CERS3: variants seen among roughly 807,000 people sequenced by gnomAD.
CERS3 encodes the protein ceramide synthase 3, also known as LAG1 homolog, ceramide synthase 3.
A neutral mutation model predicts 50.3 loss-of-function variants in CERS3; 33 were observed. The observed-to-expected ratio is 0.66, with a 90% CI of 0.50 to 0.88. The LOEUF (loss-of-function observed/expected upper bound fraction) is 0.88, where lower values mean the gene tolerates loss of function less well. Among genes scored for constraint, CERS3 ranks in the 40% least tolerant of loss-of-function variants. The pLI is 0.00. For synonymous variants in CERS3, 176 were observed against 155.2 expected, an observed-to-expected ratio of 1.13 and a Z score of -0.99; for missense variants, 470 against 460.3, an observed-to-expected ratio of 1.02 and a Z score of -0.19.
intron 4 of CERS3, among the ~76,000 whole-genome samples, chr15:100,487,505 C>T (rs967960102): frequency 2.0e-5 from 3 of 152,222 alleles, no homozygotes; most frequent in African/African-American, 7.2e-5. Context: ...AGGCTCTAAC[C>T]TTACATGGTC....
rs75580238 is a variant in CERS3, at chr15:100,520,557, T to C, written c.-2+1110A>G. On this transcript the variant is annotated intron_variant, in intron 2 of 11. Transcript: ENST00000679737. ...GAGCAGGAAGTATTTCTTCACTCTG[T>C]GGCTTATAATGCTTCCTCCTTCTCT... is the stretch of plus-strand genomic sequence containing the variant. 7.6e-4 allele frequency among the ~76,000 whole-genome samples: 116 copies of C among 152,336 alleles called. 1 individual carries two copies. The highest frequency in any genetic ancestry group is 2.5e-3 in the African/African-American group (103 of 41,580).
intron 11 of CERS3, among the ~76,000 whole-genome samples, chr15:100,450,480 C>A (rs942201945): frequency 1.4e-5 from 2 of 144,424 alleles, no homozygotes; most frequent in African/African-American, 5.1e-5. Context: ...AACTTGAAGA[C>A]AGGTCTTTTG....
chr15:100,481,289 G>C (rs2035291788), intron 5 of CERS3, among the ~76,000 whole-genome samples: 1 of 152,182 alleles, frequency 6.6e-6, no homozygotes, highest in Non-Finnish European at 1.5e-5. Flanking sequence ...CCCTAAGCTA[G>C]ACGACAGTCT....
At chr15:100,470,080 T>G (rs2034914892) in intron 9 of CERS3, among the ~76,000 whole-genome samples, 1 of 151,142 alleles carries the variant, frequency 6.6e-6, no homozygotes, top group African/African-American at 2.4e-5. Flanking sequence ...TAGAAAGAAC[T>G]GCAGAAAGGG....
At chr15:100,504,657 G>A (rs898080968) in intron 2 of CERS3, among the ~76,000 whole-genome samples, 2 of 152,190 alleles carry the variant, frequency 1.3e-5, no homozygotes, top group Admixed American at 6.5e-5. Context: ...CAAAGACTTA[G>A]TGATACTTCC....
upstream of CERS3, among the ~76,000 whole-genome samples, chr15:100,533,246 TGTCA>T (rs2036984182): frequency 1.3e-5 from 2 of 152,184 alleles, no homozygotes; most frequent in Non-Finnish European, 2.9e-5. Flanking sequence ...CCACGTCACC[TGTCA>T]CCTTCTAACT....
At chr15:100,480,149 A>C (rs2035254839) in intron 5 of CERS3, 103 bp from the exon 6 acceptor site, 1 of 835,466 alleles carries the variant, frequency 1.2e-6, no homozygotes, top group Admixed American at 2.3e-5. Flanking sequence ...CACATTCTGG[A>C]GTCAGACAAA....
chr15:100,445,014 G>A (rs534284282), intron 11 of CERS3, among the ~76,000 whole-genome samples: 4,582 of 151,790 alleles, frequency 0.03, 97 homozygotes, highest in Admixed American at 0.064. Flanking sequence ...AAGGTAGAAC[G>A]GACTAATGGT....
At chr15:100,454,032 G>A (rs1248272519) in intron 11 of CERS3, among the ~76,000 whole-genome samples, 1 of 152,132 alleles carries the variant, frequency 6.6e-6, no homozygotes, top group Non-Finnish European at 1.5e-5. Context: ...GATTAGAAAA[G>A]TTAATATCAT....
At chr15:100,464,217 A>C (rs945693223) in intron 10 of CERS3, among the ~76,000 whole-genome samples, 3 of 152,182 alleles carry the variant, frequency 2.0e-5, no homozygotes, top group Non-Finnish European at 4.4e-5. Context: ...TTTCAGTATT[A>C]TTTGCAGTTG....
At chr15:100,466,887 T>G in intron 10 of CERS3, among the ~76,000 whole-genome samples, 1 of 92,052 alleles carries the variant, frequency 1.1e-5, no homozygotes, top group Non-Finnish European at 2.6e-5. Flanking sequence ...GGAGTCTTTC[T>G]CTGTTGCCCA....
intron 10 of CERS3, among the ~76,000 whole-genome samples, chr15:100,458,720 A>G (rs1048902873): frequency 1.3e-5 from 2 of 152,188 alleles, no homozygotes; most frequent in African/African-American, 4.8e-5. Flanking sequence ...ATTTTGTTAA[A>G]CGATTTAGGA....
intron 1 of CERS3, among the ~76,000 whole-genome samples, chr15:100,537,101 G>A (rs1219223971): frequency 1.3e-5 from 2 of 152,118 alleles, no homozygotes; most frequent in African/African-American, 4.8e-5. Context: ...ACACAGAACT[G>A]GGAGAACTAC....
At chr15:100,491,784 T>C (rs2035660844) in intron 3 of CERS3, among the ~76,000 whole-genome samples, 1 of 152,194 alleles carries the variant, frequency 6.6e-6, no homozygotes, top group Non-Finnish European at 1.5e-5. Flanking sequence ...ATCTCAAGTA[T>C]TTGCAAATTT....
intron 11 of CERS3, among the ~76,000 whole-genome samples, chr15:100,455,249 A>G (rs1425591104): frequency 6.6e-6 from 1 of 151,540 alleles, no homozygotes; most frequent in African/African-American, 2.4e-5. Flanking sequence ...TATTTATCCC[A>G]AGGAAAAAAA....
At chr15:100,424,231 A>G (rs1399364380) in intron 11 of CERS3, among the ~76,000 whole-genome samples, 1 of 152,172 alleles carries the variant, frequency 6.6e-6, no homozygotes, top group Non-Finnish European at 1.5e-5. Flanking sequence ...GTGAGCCACC[A>G]TGCCTGGCCA....
chr15:100,473,157 T>C, intron 8 of CERS3, 105 bp from the exon 9 acceptor site: 1 of 1,215,072 alleles, frequency 8.2e-7, no homozygotes, highest in Non-Finnish European at 1.1e-6. Context: ...TACATCTGCA[T>C]GTTTTGAAAT....
chr15:100,405,388 T>C (rs1246253253), intron 11 of CERS3, among the ~76,000 whole-genome samples: 1 of 152,010 alleles, frequency 6.6e-6, no homozygotes, highest in Admixed American at 6.6e-5. Flanking sequence ...ATGGAAACCA[T>C]GATGATGTAC....
At chr15:100,540,360 T>C (rs570835209) in intron 1 of CERS3, among the ~76,000 whole-genome samples, 1 of 152,304 alleles carries the variant, frequency 6.6e-6, no homozygotes, top group Non-Finnish European at 1.5e-5. Context: ...CTGGCCAACA[T>C]GGCAAAACCC....
Sources: allele counts gnomAD v4.1 joint callset (sites outside exome capture counted in the v4.1 genomes callset), GRCh38; gene constraint gnomAD v4.1.1; transcripts MANE v1.5; gene names NCBI Gene and HGNC (gene_info 2026-07-23, HGNC 2026-07-21).